Variants in ITFG1 observed in about 807,000 individuals in gnomAD.
ITFG1 encodes the protein T-cell immunomodulatory protein.
A neutral mutation model predicts 81.8 loss-of-function variants in ITFG1; 34 were observed. The ratio of observed to expected loss-of-function variants is 0.42; its 90% CI spans 0.32 to 0.55. ITFG1 has a LOEUF of 0.55. Ranked by LOEUF, ITFG1 falls within the 20% of genes least tolerant of loss-of-function variation. ITFG1 has a pLI of 0.17. For missense variants in ITFG1, 672 were observed against 755.4 expected, an observed-to-expected ratio of 0.89 and a Z score of 1.29; for synonymous variants, 285 against 270.6, an observed-to-expected ratio of 1.05 and a Z score of -0.52.
At chr16:47,185,396 A>T (rs1433906646) in intron 14 of ITFG1, among the ~76,000 whole-genome samples, 2 of 152,230 alleles carry the variant, frequency 1.3e-5, no homozygotes, top group Non-Finnish European at 2.9e-5. Flanking sequence ...AAAGAACAGA[A>T]ATTATAACAA....
At chr16:47,360,386 G>A (rs1445735460) in intron 8 of ITFG1, among the ~76,000 whole-genome samples, 1 of 152,008 alleles carries the variant, frequency 6.6e-6, no homozygotes, top group Non-Finnish European at 1.5e-5. Flanking sequence ...TTTTTGACTA[G>A]TGTTCAATGT....
intron 4 of ITFG1, 50 bp from the exon 5 acceptor site, chr16:47,451,520 C>G (rs760250511): frequency 1.0e-6 from 1 of 987,774 alleles, no homozygotes; most frequent in East Asian, 2.4e-5. Flanking sequence ...ATTCTTACTT[C>G]TAATTTAGCT....
intron 6 of ITFG1, among the ~76,000 whole-genome samples, chr16:47,390,310 T>A (rs1254341457): frequency 1.3e-5 from 2 of 152,232 alleles, no homozygotes; most frequent in East Asian, 3.8e-4. Flanking sequence ...AAGTTTGTTG[T>A]GAGGTTTTTA....
intron 6 of ITFG1, among the ~76,000 whole-genome samples, chr16:47,414,252 G>C (rs930388571): frequency 6.6e-6 from 1 of 151,658 alleles, no homozygotes; most frequent in East Asian, 1.9e-4. Flanking sequence ...TAATACCAAG[G>C]ATCTATTTTT....
chr16:47,241,490 A>G (rs1056282794), intron 12 of ITFG1, among the ~76,000 whole-genome samples: 1 of 152,244 alleles, frequency 6.6e-6, no homozygotes, highest in Non-Finnish European at 1.5e-5. Flanking sequence ...GTACTGACGC[A>G]TATTATAACA....
chr16:47,459,070 A>C (rs1338821739), intron 2 of ITFG1, 33 bp downstream of exon 2: 1 of 1,276,442 alleles, frequency 7.8e-7, no homozygotes, highest in Non-Finnish European at 1.1e-6. Context: ...TTAATGACTA[A>C]AGTTTTATCA....
intron 6 of ITFG1, among the ~76,000 whole-genome samples, chr16:47,390,222 A>G (rs559506365): frequency 4.6e-5 from 7 of 152,318 alleles, no homozygotes; most frequent in Admixed American, 2.6e-4. Flanking sequence ...ATCAGGACTG[A>G]ATCTGACATA....
intron 6 of ITFG1, among the ~76,000 whole-genome samples, chr16:47,391,464 A>AC (rs1161704414): frequency 6.6e-6 from 1 of 152,152 alleles, no homozygotes; most frequent in Non-Finnish European, 1.5e-5. Context: ...TAGTGCACTA[A>AC]TTTTTAATGT....
chr16:47,323,581 T>A (rs1462199901), intron 8 of ITFG1, among the ~76,000 whole-genome samples: 2 of 152,218 alleles, frequency 1.3e-5, no homozygotes, highest in Non-Finnish European at 2.9e-5. Flanking sequence ...AATTCTTTTA[T>A]AAGTAACAAT....
chr16:47,158,379 G>A (rs764099060), intron 17 of ITFG1, among the ~76,000 whole-genome samples: 14 of 152,124 alleles, frequency 9.2e-5, no homozygotes, highest in Non-Finnish European at 1.8e-4. Flanking sequence ...ACAGGCATGA[G>A]CCACCATGCC....
At chr16:47,300,944 T>A (rs1353489132) in intron 10 of ITFG1, among the ~76,000 whole-genome samples, 1 of 152,210 alleles carries the variant, frequency 6.6e-6, no homozygotes, top group African/African-American at 2.4e-5. Context: ...AAGTGAGTGA[T>A]CTTAGATAAA....
chr16:47,178,699 T>G (rs1396288740), intron 14 of ITFG1, among the ~76,000 whole-genome samples: 1 of 152,160 alleles, frequency 6.6e-6, no homozygotes, highest in East Asian at 1.9e-4. Context: ...CCAAAAGCAA[T>G]GGCAACAAAA....
chr16:47,365,195 G>A (rs920090939), intron 8 of ITFG1, among the ~76,000 whole-genome samples: 1 of 152,176 alleles, frequency 6.6e-6, no homozygotes, highest in African/African-American at 2.4e-5. Context: ...ATGGGAACAA[G>A]CACTGAACAG....
At chr16:47,288,413 A>T (rs142717618) in intron 10 of ITFG1, among the ~76,000 whole-genome samples, 8 of 152,210 alleles carry the variant, frequency 5.3e-5, no homozygotes, top group Non-Finnish European at 1.2e-4. Context: ...ATGGGGGTAC[A>T]GGTATCCTTT....
At chr16:47,165,819 C>T (rs1331053022) in intron 14 of ITFG1, among the ~76,000 whole-genome samples, 1 of 152,180 alleles carries the variant, frequency 6.6e-6, no homozygotes. Flanking sequence ...GCACTCCAGC[C>T]TGGGAGATAG....
intron 8 of ITFG1, among the ~76,000 whole-genome samples, chr16:47,328,821 T>C (rs1967598247): frequency 6.6e-6 from 1 of 152,172 alleles, no homozygotes; most frequent in Non-Finnish European, 1.5e-5. Context: ...TAACCTATTA[T>C]GACAAACTAC....
chr16:47,445,125 A>G (rs1176350406), intron 5 of ITFG1, among the ~76,000 whole-genome samples: 1 of 151,226 alleles, frequency 6.6e-6, no homozygotes, highest in Non-Finnish European at 1.5e-5. Context: ...AAAAAAAAAA[A>G]AAGAAAAACT....
Position 47,307,093 on chromosome 16 carries a change from C to CAAAAAAAAAAAAA in ITFG1, c.1070+4134_1070+4146dup. Among the ~76,000 whole-genome samples the CAAAAAAAAAAAAA allele has an allele frequency of 1.2e-3, 19 of 16,472 alleles. 7 individuals are homozygous for CAAAAAAAAAAAAA. The highest frequency in any genetic ancestry group is 3.6e-3 in the African/African-American group (11 of 3,042). 10.8% of individuals were successfully genotyped at this position (16,472 alleles called of 152,430 possible). Reference sequence around the variant, plus strand: ...TGGGTGACAGAGCAAAACTCCGTCTCAAAAAAAAAAAAAAAAAAAAAAAAA... The same window carrying CAAAAAAAAAAAAA: ...TGGGTGACAGAGCAAAACTCCGTCTCAAAAAAAAAAAAAAAAAAAAAAAAAAAAAAAAAAAAAA... On this transcript the variant is annotated intron_variant, in intron 10 of 17. Transcript: ENST00000320640.
chr16:47,391,496 T>C (rs1339845287), intron 6 of ITFG1, among the ~76,000 whole-genome samples: 1 of 152,216 alleles, frequency 6.6e-6, no homozygotes, highest in Non-Finnish European at 1.5e-5. Context: ...TTAGGTCGTA[T>C]TTAATGCCCT....
Sources: gnomAD v4.1 joint callset for allele counts (sites outside exome capture counted in the v4.1 genomes callset) on GRCh38, gnomAD v4.1.1 for gene constraint, MANE v1.5 for transcripts, NCBI Gene and HGNC (gene_info 2026-07-23, HGNC 2026-07-21) for gene names.